Variants in ESRRG observed in about 807,000 individuals in gnomAD.
The protein encoded by ESRRG is estrogen related receptor gamma, also known as estrogen-related receptor gamma.
Under a neutral mutation model 44.0 loss-of-function variants are expected in ESRRG, and 13 were observed. The observed-to-expected ratio is 0.30, with a 90% CI of 0.19 to 0.47. ESRRG has a LOEUF of 0.47. Ranked by LOEUF, ESRRG falls within the 20% of genes least tolerant of loss-of-function variation. The probability of loss-of-function intolerance (pLI) is 1.00; values close to 1 mark genes in which losing one functional copy is unlikely to be tolerated. For missense variants in ESRRG, 395 were observed against 580.6 expected, an observed-to-expected ratio of 0.68 and a Z score of 3.29; for synonymous variants, 215 against 214.6, an observed-to-expected ratio of 1.00 and a Z score of -0.02.
intron 2 of ESRRG, among the ~76,000 whole-genome samples, chr1:216,748,049 G>A (rs1559496142): frequency 6.6e-6 from 1 of 152,050 alleles, no homozygotes; most frequent in Non-Finnish European, 1.5e-5. Flanking sequence ...TAAAATGTAG[G>A]GCATTCAGAT....
intron 1 of ESRRG, among the ~76,000 whole-genome samples, chr1:216,692,817 G>T (rs905067040): frequency 6.6e-6 from 1 of 152,084 alleles, no homozygotes; most frequent in African/African-American, 2.4e-5. Context: ...TGTAACAATT[G>T]CCTACATTAT....
At chr1:216,776,576 TA>T (rs36068875) in intron 2 of ESRRG, among the ~76,000 whole-genome samples, 7,134 of 152,128 alleles carry the variant, frequency 0.047, 246 homozygotes, top group Non-Finnish European at 0.076. Context: ...AATTATGGAA[TA>T]AAAAAATGCT....
chr1:216,757,205 C>T (rs755094207), intron 2 of ESRRG, among the ~76,000 whole-genome samples: 7 of 151,818 alleles, frequency 4.6e-5, no homozygotes, highest in African/African-American at 1.5e-4. Flanking sequence ...TTTGTTTTTT[C>T]GTTACTGGTT....
At chr1:216,648,664 C>T (rs1328263828) in intron 3 of ESRRG, among the ~76,000 whole-genome samples, 1 of 152,086 alleles carries the variant, frequency 6.6e-6, no homozygotes, top group African/African-American at 2.4e-5. Context: ...AGCAGTAAAT[C>T]AAGTTAATAA....
At chr1:216,970,444 T>C (rs2071410419) in intron 1 of ESRRG, among the ~76,000 whole-genome samples, 1 of 152,182 alleles carries the variant, frequency 6.6e-6, no homozygotes, top group African/African-American at 2.4e-5. Context: ...TGACGGAATT[T>C]TTAGCACAAT....
intron 1 of ESRRG, among the ~76,000 whole-genome samples, chr1:216,969,224 T>A (rs1453231558): frequency 6.6e-6 from 1 of 152,166 alleles, no homozygotes; most frequent in Admixed American, 6.5e-5. Context: ...GTCATGAAGC[T>A]CACCTTCCAG....
intron 1 of ESRRG, among the ~76,000 whole-genome samples, chr1:217,030,635 C>A (rs1385398810): frequency 6.6e-6 from 1 of 152,084 alleles, no homozygotes; most frequent in African/African-American, 2.4e-5. Flanking sequence ...TTATTTTTTT[C>A]TTTGCTCACT....
intron 2 of ESRRG, among the ~76,000 whole-genome samples, chr1:216,671,058 C>T (rs1487791595): frequency 6.6e-6 from 1 of 152,110 alleles, no homozygotes; most frequent in Non-Finnish European, 1.5e-5. Flanking sequence ...GTACTCTTGT[C>T]CTAGGTCCTG....
intron 2 of ESRRG, among the ~76,000 whole-genome samples, chr1:216,852,383 G>A (rs541238987): frequency 2.0e-5 from 3 of 152,182 alleles, no homozygotes; most frequent in South Asian, 2.1e-4. Context: ...AGAAGAAACC[G>A]TGGCACACAA....
chr1:216,960,833 C>T (rs1020526276), intron 1 of ESRRG, among the ~76,000 whole-genome samples: 8 of 152,076 alleles, frequency 5.3e-5, no homozygotes, highest in African/African-American at 1.4e-4. Context: ...TCAAGCAGTC[C>T]TCCCACCTAG....
intron 1 of ESRRG, among the ~76,000 whole-genome samples, chr1:217,020,702 T>C (rs1351103594): frequency 1.3e-5 from 2 of 152,136 alleles, no homozygotes; most frequent in Admixed American, 6.5e-5. Context: ...ACTTATAAGG[T>C]GCTGTTGAAA....
At chr1:216,812,667 C>A (rs11572587) in intron 2 of ESRRG, among the ~76,000 whole-genome samples, 7,853 of 152,186 alleles carry the variant, frequency 0.052, 279 homozygotes, top group Non-Finnish European at 0.074. Context: ...AATTCAATTT[C>A]TATGATTTCC....
chr1:216,940,190 TA>T (rs1230974376), intron 1 of ESRRG, among the ~76,000 whole-genome samples: 1 of 152,178 alleles, frequency 6.6e-6, no homozygotes, highest in African/African-American at 2.4e-5. Flanking sequence ...TCAAGCTTTC[TA>T]AGTGGAAAAA....
intron 2 of ESRRG, among the ~76,000 whole-genome samples, chr1:216,656,368 T>C (rs1489663410): frequency 6.6e-6 from 1 of 152,204 alleles, no homozygotes; most frequent in Non-Finnish European, 1.5e-5. Flanking sequence ...CTCTCGGTTT[T>C]TAAACCAGGC....
intron 1 of ESRRG, among the ~76,000 whole-genome samples, chr1:217,082,437 A>G (rs374490740): frequency 1.3e-5 from 2 of 152,328 alleles, no homozygotes; most frequent in African/African-American, 4.8e-5. Flanking sequence ...AGGTTCAAAG[A>G]GTTAAAATTA....
intron 1 of ESRRG, among the ~76,000 whole-genome samples, chr1:217,023,373 C>T (rs1446394616): frequency 1.3e-5 from 2 of 152,112 alleles, no homozygotes; most frequent in African/African-American, 4.8e-5. Context: ...TTCCTGTTAT[C>T]TGCACCTACA....
At chr1:217,124,164 C>T (rs1188273748) in intron 1 of ESRRG, among the ~76,000 whole-genome samples, 1 of 152,182 alleles carries the variant, frequency 6.6e-6, no homozygotes. Context: ...TTTAACTCCT[C>T]TTTGTTCAAA....
chr1:217,048,294 G>A (rs1035841358), intron 1 of ESRRG, among the ~76,000 whole-genome samples: 1 of 152,102 alleles, frequency 6.6e-6, no homozygotes, highest in Non-Finnish European at 1.5e-5. Context: ...AGAGTAGAGG[G>A]TATTCTGTTG....
intron 1 of ESRRG, among the ~76,000 whole-genome samples, chr1:216,706,599 T>C (rs1213506169): frequency 1.3e-5 from 2 of 152,178 alleles, no homozygotes; most frequent in Non-Finnish European, 2.9e-5. Context: ...TACAACATCA[T>C]GATGCCAAGC....
Sources: allele counts gnomAD v4.1 joint callset (sites outside exome capture counted in the v4.1 genomes callset), GRCh38; gene constraint gnomAD v4.1.1; transcripts MANE v1.5; gene names NCBI Gene and HGNC (gene_info 2026-07-23, HGNC 2026-07-21).